PACS2: variants seen among roughly 807,000 people sequenced by gnomAD.
PACS2 encodes PACS1-like protein.
PACS2 carries 36 observed loss-of-function variants against 113.0 expected under a neutral mutation model. That is an observed-to-expected ratio of 0.32 (90% CI 0.24 to 0.42). The LOEUF (loss-of-function observed/expected upper bound fraction) is 0.42. Ranked by LOEUF, PACS2 falls within the 10% of genes least tolerant of loss-of-function variation. The pLI, the probability that PACS2 is intolerant of heterozygous loss-of-function variation, is 1.00. For missense variants in PACS2, 1,015 were observed against 1,239.5 expected (o/e 0.82, Z 2.72); for synonymous variants, 589 against 536.1 (o/e 1.10, Z -1.36).
rs1457492814 is a variant in PACS2, at chr14:105,394,663, C to T, written c.2706C>T (p.Ala902=). ...TCTGCATCTTCGGACACTCCAAGGC[C>T]ACCTTCTAGCCCCACCCACCAGGGG... ...FPICIFGHSK[A]TF Residue 902 remains alanine, a synonymous_variant, in exon 25 of 25, where the codon GCC becomes GCT. Transcript: ENST00000447393. The T allele has an allele frequency of 6.2e-7, 1 of 1,608,904 alleles. No individual in the cohort carries two copies. Among genetic ancestry groups the T allele is most frequent in the Non-Finnish European group, 8.5e-7 (1 of 1,175,912 alleles).
At chr14:105,334,520 T>C (rs962945888) in intron 1 of PACS2, among the ~76,000 whole-genome samples, 17 of 151,186 alleles carry the variant, frequency 1.1e-4, no homozygotes, top group African/African-American at 3.9e-4. Flanking sequence ...AGGCCCAATA[T>C]GTGCGTAGAG....
At position 105,368,386 on chromosome 14, in the gene PACS2, C is replaced by T. The variant is rs141216726; in HGVS notation, c.661-73C>T. 2.3e-3 allele frequency: 2,826 copies of T among 1,216,350 alleles called. 9 individuals are homozygous for T. The highest frequency in any genetic ancestry group is 0.012 in the African/African-American group (774 of 67,288). The allele number at this position is 1,216,350 out of a possible 1,614,324, so 75.3% of individuals were successfully genotyped here. ...AGTGCCGGGCCTCTCCCATCGCCCA[C>T]GCTGAGGCTGGCAGGGTCCTGCCAG... On this transcript the variant is annotated intron_variant, in intron 6 of 24. Transcript: ENST00000447393.
At chr14:105,392,876 G>A in intron 23 of PACS2, 31 bp downstream of exon 23, 2 of 1,500,606 alleles carry the variant, frequency 1.3e-6, no homozygotes, top group African/African-American at 1.4e-5. Context: ...AGGCCACACG[G>A]CGCAGAAGGG....
intron 4 of PACS2, 55 bp from the exon 5 acceptor site, chr14:105,367,158 C>A (rs1320412922): frequency 8.5e-6 from 13 of 1,535,018 alleles, no homozygotes; most frequent in African/African-American, 2.7e-5. Flanking sequence ...CACATCAGGG[C>A]ACCGGGGCTC....
upstream of PACS2, among the ~76,000 whole-genome samples, chr14:105,314,119 C>T (rs587627693): frequency 9.0e-3 from 1,371 of 152,348 alleles, 5 homozygotes; most frequent in Non-Finnish European, 0.014. Context: ...CGAGTCCCCG[C>T]GACCGCCGCC....
At position 105,315,155 on chromosome 14, in the gene PACS2, C is replaced by A; in HGVS notation, c.119+118C>A. ...CCCCAGCGGAGCCCAGGTCGCCCCC[C>A]GCGCCCCCGCCCGCCGGTTCGACGC... On this transcript the variant is annotated intron_variant, in intron 1 of 24. Coordinates refer to ENST00000447393, the MANE Select transcript of PACS2 (RefSeq NM_001100913.3). The surrounding 1 kb of genome is among the most constrained non-coding windows in gnomAD (Gnocchi z 4.4). 1 of 545,348 alleles carries A rather than the reference C, an allele frequency of 1.8e-6. No homozygotes were observed. The highest frequency in any genetic ancestry group is 7.7e-5 in the South Asian group (1 of 12,986). 33.8% of individuals were successfully genotyped at this position (545,348 alleles called of 1,614,324 possible). A position where few individuals can be genotyped will look rare whatever the true frequency, so the allele number is the denominator to read the frequency against.
At chr14:105,321,565 G>A (rs1490076412) in intron 1 of PACS2, among the ~76,000 whole-genome samples, 1 of 152,018 alleles carries the variant, frequency 6.6e-6, no homozygotes, top group African/African-American at 2.4e-5. Flanking sequence ...GTTTTTCCAT[G>A]TTGCTCGGGC....
At position 105,382,483 on chromosome 14, in the gene PACS2, A is replaced by C. The variant is rs782028176; in HGVS notation, c.1420A>C (p.Arg474=). ...SQLQVQLQIP[R]KTVYDQLNHI... ...CAGGGCTCTGTGCCTCCAGATCCCCAGGAAGACTGTGTATGACCAGCTCAA... is the reference window on the plus strand; with the variant it reads ...CAGGGCTCTGTGCCTCCAGATCCCCCGGAAGACTGTGTATGACCAGCTCAA... Residue 474 remains arginine, a synonymous_variant, in exon 14 of 25, where the codon AGG becomes CGG. Transcript: ENST00000447393. The C allele has an allele frequency of 1.3e-6, 2 of 1,599,690 alleles. No individual in the cohort carries two copies. Among genetic ancestry groups the C allele is most frequent in the Admixed American group, 3.3e-5 (2 of 60,014 alleles).
chr14:105,327,387 G>A (rs1240605716), intron 1 of PACS2, among the ~76,000 whole-genome samples: 6 of 152,222 alleles, frequency 3.9e-5, no homozygotes, highest in African/African-American at 1.4e-4. Flanking sequence ...CCTGAGGGGC[G>A]GGGACCTTGG....
rs138726887 is a variant in PACS2, at chr14:105,373,926, C to T, written c.802-2842C>T. On this transcript the variant is annotated intron_variant, in intron 8 of 24. Transcript: ENST00000447393. The stretch of plus-strand genomic sequence containing the variant: ...GCCGAGGCTTGAGGCTCAAGTGACC[C>T]GGATCACTTGAGGTCAGGAGATCGA... Among the ~76,000 whole-genome samples the T allele has an allele frequency of 2.7e-3, 405 of 152,114 alleles. 10 individuals carry two copies. The South Asian group carries it at 0.042, about 16-fold the overall frequency.
intron 1 of PACS2, among the ~76,000 whole-genome samples, chr14:105,339,660 C>T (rs1178153765): frequency 1.3e-5 from 2 of 149,706 alleles, no homozygotes; most frequent in Non-Finnish European, 3.0e-5. Context: ...TGCACCACTA[C>T]ACTCTAGCCT....
At position 105,380,122 on chromosome 14, in the gene PACS2, C is replaced by T; in HGVS notation, c.1093C>T (p.Pro365Ser). 6.4e-7 allele frequency: 1 copy of T among 1,552,922 alleles called. No homozygotes were observed. The highest frequency in any genetic ancestry group is 2.0e-5 in the Admixed American group (1 of 51,252). Residue 365 changes from proline (P) to serine (S), a missense_variant, in exon 11 of 25, where the codon CCG becomes TCG. Coordinates refer to ENST00000447393, the MANE Select transcript of PACS2 (RefSeq NM_001100913.3). ...GACGCGGTCCCTGGGAGGCAGGCAGCCGAGCGACAGTGTCTCTGACACGGT... is the reference window on the plus strand; with the variant it reads ...GACGCGGTCCCTGGGAGGCAGGCAGTCGAGCGACAGTGTCTCTGACACGGT... ...EKTRSLGGRQ[P>S]SDSVSDTVAL...
intron 12 of PACS2, among the ~76,000 whole-genome samples, chr14:105,381,526 C>T (rs1015526852): frequency 2.6e-5 from 4 of 152,260 alleles, no homozygotes; most frequent in East Asian, 1.9e-4. Context: ...TGCCTGTGTC[C>T]GCGCTTTGGA....
chr14:105,383,235 G>A, intron 15 of PACS2, 124 bp from the exon 16 acceptor site: 1 of 1,112,984 alleles, frequency 9.0e-7, no homozygotes, highest in Non-Finnish European at 1.4e-6. Flanking sequence ...GCAGCTCCAG[G>A]GCAGTTGTGG....
chr14:105,386,357 G>A (rs2141270514), intron 19 of PACS2, among the ~76,000 whole-genome samples: 1 of 152,290 alleles, frequency 6.6e-6, no homozygotes, highest in Admixed American at 6.5e-5. Context: ...CGAGCACCTG[G>A]GGCCAGCAGA....
chr14:105,350,551 G>A (rs587769327), intron 2 of PACS2, among the ~76,000 whole-genome samples: 12 of 145,490 alleles, frequency 8.2e-5, no homozygotes, highest in South Asian at 2.5e-4. Flanking sequence ...CAGCAGCCAC[G>A]TGGCCCTTGG....
intron 1 of PACS2, among the ~76,000 whole-genome samples, chr14:105,308,390 G>A (rs587737856): frequency 2.6e-5 from 4 of 152,260 alleles, no homozygotes; most frequent in Non-Finnish European, 4.4e-5. Context: ...GCTGAAGAGG[G>A]AGGATTGCCT....
chr14:105,312,608 G>A (rs1041895272), upstream of PACS2, among the ~76,000 whole-genome samples: 2 of 152,058 alleles, frequency 1.3e-5, no homozygotes, highest in African/African-American at 4.8e-5. Context: ...ATGCCTCCCA[G>A]CCTTCAGGGG....
chr14:105,310,533 C>CA (rs764203821), upstream of PACS2, among the ~76,000 whole-genome samples: 61,083 of 79,774 alleles, frequency 0.77, 22,981 homozygotes, highest in Middle Eastern at 0.82. Flanking sequence ...GACTCTGTCT[C>CA]AAAAAAAAAA....
Sources: allele counts gnomAD v4.1 joint callset (sites outside exome capture counted in the v4.1 genomes callset), GRCh38; gene constraint gnomAD v4.1.1; non-coding constraint Gnocchi (gnomAD v3.1); transcripts MANE v1.5; gene names NCBI Gene and HGNC (gene_info 2026-07-23, HGNC 2026-07-21).